ATRN: variants seen among roughly 807,000 people sequenced by gnomAD.
ATRN encodes attractin, also known as attractin-2.
Under a neutral mutation model 178.7 loss-of-function variants are expected in ATRN, and 54 were observed. That is an observed-to-expected ratio of 0.30 (90% CI 0.24 to 0.38). The LOEUF is 0.38. ATRN is among the 10% of genes least tolerant of loss of function. ATRN has a pLI of 1.00. For synonymous variants in ATRN, 636 were observed against 663.0 expected (o/e 0.96, Z 0.63); for missense variants, 1,443 against 1,815.1 (o/e 0.79, Z 3.73).
chr20:3,599,026 T>C (rs1189174232), intron 22 of ATRN, among the ~76,000 whole-genome samples: 2 of 152,126 alleles, frequency 1.3e-5, no homozygotes, highest in African/African-American at 4.8e-5. Flanking sequence ...TAAATGAAAA[T>C]AGGATTTGTT....
At chr20:3,619,835 G>C (rs1017694297) in intron 24 of ATRN, among the ~76,000 whole-genome samples, 1 of 152,142 alleles carries the variant, frequency 6.6e-6, no homozygotes, top group South Asian at 2.1e-4. Context: ...TGACTGCTGC[G>C]CCCGATTCCC....
chr20:3,487,074 T>C lies in ATRN; in HGVS notation c.410+15557T>C, dbSNP rs1044001638. The stretch of plus-strand genomic sequence containing the variant: ...TTCTCTAGTTCACAAATTCTCACTT[T>C]AACTGTATCTAATTTGTGGTGTAAC... On this transcript the variant is annotated intron_variant, in intron 1 of 28. Transcript: ENST00000262919. Among the ~76,000 whole-genome samples, 18 of 152,360 alleles carry C rather than the reference T, an allele frequency of 1.2e-4. No individual in the cohort carries two copies. In the Middle Eastern group the frequency reaches 0.01, roughly 86 times the overall value.
intron 2 of ATRN, among the ~76,000 whole-genome samples, chr20:3,537,708 A>C (rs2085558470): frequency 6.9e-6 from 1 of 145,444 alleles, no homozygotes; most frequent in Non-Finnish European, 1.5e-5. Context: ...TCCCCTTCCT[A>C]TGTCCAAGTG....
chr20:3,475,859 TAGTG>T (rs1020678177), intron 1 of ATRN, among the ~76,000 whole-genome samples: 7 of 152,132 alleles, frequency 4.6e-5, no homozygotes, highest in African/African-American at 9.7e-5. Flanking sequence ...ACAGTAATAA[TAGTG>T]GGTGGGTGTA....
intron 23 of ATRN, among the ~76,000 whole-genome samples, chr20:3,602,859 A>C (rs1418392986): frequency 6.8e-6 from 1 of 146,338 alleles, no homozygotes; most frequent in Admixed American, 6.9e-5. Flanking sequence ...GCTACTTGGG[A>C]GGCTGAGGCA....
chr20:3,644,298 C>T, intron 28 of ATRN, 30 bp downstream of exon 28: 1 of 1,541,252 alleles, frequency 6.5e-7, no homozygotes, highest in Non-Finnish European at 9.0e-7. Context: ...CGAAAGACAC[C>T]TTCTAAGCAT....
intron 6 of ATRN, among the ~76,000 whole-genome samples, chr20:3,551,462 C>T (rs936486419): frequency 6.6e-6 from 1 of 152,182 alleles, no homozygotes; most frequent in East Asian, 1.9e-4. Flanking sequence ...TACTACCTTG[C>T]TTGTCTCACT....
At chr20:3,552,292 T>A (rs1039716232) in intron 6 of ATRN, among the ~76,000 whole-genome samples, 1 of 152,184 alleles carries the variant, frequency 6.6e-6, no homozygotes, top group Non-Finnish European at 1.5e-5. Flanking sequence ...CAAATTTGTA[T>A]TTGCAGCCTA....
chr20:3,541,295 T>G (rs902933734), intron 3 of ATRN, among the ~76,000 whole-genome samples: 23 of 152,048 alleles, frequency 1.5e-4, no homozygotes, highest in African/African-American at 5.6e-4. Context: ...GCCAGGATGG[T>G]CTCGATCTCC....
At chr20:3,606,804 C>T (rs553375726) in intron 24 of ATRN, among the ~76,000 whole-genome samples, 7 of 152,258 alleles carry the variant, frequency 4.6e-5, no homozygotes, top group African/African-American at 9.6e-5. Flanking sequence ...ATAATTTTCC[C>T]TTCCTGTCCT....
chr20:3,512,721 C>T (rs919450444), intron 1 of ATRN, among the ~76,000 whole-genome samples: 79 of 152,334 alleles, frequency 5.2e-4, no homozygotes, highest in Non-Finnish European at 1.0e-3. Flanking sequence ...TACAGTCCCA[C>T]CAACAGTATA....
intron 1 of ATRN, among the ~76,000 whole-genome samples, chr20:3,523,030 G>A (rs1279150215): frequency 6.6e-6 from 1 of 151,922 alleles, no homozygotes; most frequent in African/African-American, 2.4e-5. Context: ...ACAACTCCTC[G>A]CCAGCAAGGG....
intron 24 of ATRN, among the ~76,000 whole-genome samples, chr20:3,610,296 T>C (rs971011273): frequency 3.3e-5 from 5 of 152,182 alleles, no homozygotes; most frequent in Non-Finnish European, 7.3e-5. Flanking sequence ...AGGCTTACTA[T>C]TTAGGTACAG....
intron 1 of ATRN, among the ~76,000 whole-genome samples, chr20:3,500,442 T>TC (rs2084943388): frequency 6.6e-6 from 1 of 151,672 alleles, no homozygotes; most frequent in African/African-American, 2.4e-5. Context: ...AACCCAAATG[T>TC]CCAACAATGA....
chr20:3,560,612 A>G (rs2085937546), intron 7 of ATRN, 50 bp from the exon 8 acceptor site: 1 of 1,446,696 alleles, frequency 6.9e-7, no homozygotes, highest in African/African-American at 1.4e-5. Context: ...CTGTTCTCAG[A>G]TTTAATCTTT....
chr20:3,621,797 TAAC>T (rs1187782396), intron 24 of ATRN, among the ~76,000 whole-genome samples: 2 of 152,064 alleles, frequency 1.3e-5, no homozygotes, highest in Non-Finnish European at 2.9e-5. Flanking sequence ...ATTTTAGAGT[TAAC>T]AACATTTATA....
At chr20:3,646,689 T>A in intron 28 of ATRN, 34 bp from the exon 29 acceptor site, 1 of 1,543,594 alleles carries the variant, frequency 6.5e-7, no homozygotes. Flanking sequence ...AGCCAGCTGC[T>A]CCCAGCATAT....
In ATRN at chr20:3,647,432, A is replaced by AG. The variant is rs1212905292; in HGVS notation, c.*591dup. On this transcript the variant is annotated 3_prime_UTR_variant, in exon 29 of 29. Transcript: ENST00000262919. ...TTTGATCATATCAAGCTAGGATAGA[A>AG]GGGGGGCTATTTTAAATGTCAAGGT... 2 of 152,672 alleles carry AG rather than the reference A, an allele frequency of 1.3e-5. No individual in the cohort carries two copies. Among genetic ancestry groups the AG allele is most frequent in the African/African-American group, 2.4e-5 (1 of 41,454 alleles). The allele number at this position is 152,672 out of a possible 1,614,324, so 9.5% of individuals were successfully genotyped here.
At chr20:3,615,262 C>G (rs900653828) in intron 24 of ATRN, among the ~76,000 whole-genome samples, 1 of 151,768 alleles carries the variant, frequency 6.6e-6, no homozygotes, top group African/African-American at 2.4e-5. Context: ...AACCCTGTCT[C>G]TACTAAAGTA....
Sources: allele counts gnomAD v4.1 joint callset (sites outside exome capture counted in the v4.1 genomes callset), GRCh38; gene constraint gnomAD v4.1.1; transcripts MANE v1.5; gene names NCBI Gene and HGNC (gene_info 2026-07-23, HGNC 2026-07-21).